Variants in ALPK3 observed in about 807,000 individuals in gnomAD.
ALPK3 encodes the protein alpha-protein kinase 3.
ALPK3 carries 102 observed loss-of-function variants against 140.0 expected under a neutral mutation model. That is an observed-to-expected ratio of 0.73 (90% CI 0.62 to 0.86). ALPK3 has a LOEUF of 0.86. ALPK3 is among the 40% of genes least tolerant of loss of function. The probability of loss-of-function intolerance (pLI) is 0.00; values close to 1 mark genes in which losing one functional copy is unlikely to be tolerated. For missense variants in ALPK3, 2,254 were observed against 2,208.2 expected (o/e 1.02, Z -0.42); for synonymous variants, 938 against 898.5 (o/e 1.04, Z -0.79).
chr15:84,834,335 C>T (rs1963577317), intron 3 of ALPK3, among the ~76,000 whole-genome samples: 1 of 152,184 alleles, frequency 6.6e-6, no homozygotes, highest in South Asian at 2.1e-4. Flanking sequence ...GATTTGAATT[C>T]TGGCTCTCTA....
At position 84,863,609 on chromosome 15, in the gene ALPK3, CG is replaced by C; in HGVS notation, c.4471del (p.Ala1491ProfsTer16). 6.2e-7 allele frequency: 1 copy of C among 1,614,040 alleles called. No homozygotes were observed. The highest frequency in any genetic ancestry group is 8.5e-7 in the Non-Finnish European group (1 of 1,179,970). On this transcript the variant is annotated frameshift_variant, in exon 11 of 14. Transcript: ENST00000258888. LOFTEE classifies it high-confidence loss of function. ...EYCKIFAAEA[R>X]AAPGFGEVPE... The stretch of plus-strand genomic sequence containing the variant: ...CTGCAAAATCTTCGCAGCAGAAGCC[CG>C]GGCCGCGCCTGGCTTTGGGGAGGTG...
At chr15:84,837,693 G>A (rs1963610891) in intron 3 of ALPK3, among the ~76,000 whole-genome samples, 1 of 152,206 alleles carries the variant, frequency 6.6e-6, no homozygotes, top group Non-Finnish European at 1.5e-5. Context: ...GGCTTCTTAT[G>A]GAATTGACAA....
Position 84,823,350 on chromosome 15 carries a change from C to T in ALPK3, c.164C>T (p.Ser55Phe), listed in dbSNP as rs761544930. The T allele has an allele frequency of 1.2e-6, 2 of 1,614,172 alleles. No individual in the cohort carries two copies. Among genetic ancestry groups the T allele is most frequent in the Admixed American group, 1.7e-5 (1 of 60,024 alleles). Residue 55 changes from serine to phenylalanine, a missense_variant, in exon 2 of 14, where the codon TCT (serine) becomes TTT (phenylalanine). Transcript: ENST00000258888. The part of the protein sequence containing the change: ...PETSLSSNRL[S>F]HPSSGRSTFC... Reference sequence around the variant, plus strand: ...CTTAGCTTATCAAGCAACCGGTTGTCTCACCCCAGCTCTGGAAGGTAAATG... The same window carrying T: ...CTTAGCTTATCAAGCAACCGGTTGTTTCACCCCAGCTCTGGAAGGTAAATG...
chr15:84,818,999 A>G (rs1198270320), intron 1 of ALPK3, among the ~76,000 whole-genome samples: 1 of 152,210 alleles, frequency 6.6e-6, no homozygotes, highest in Non-Finnish European at 1.5e-5. Flanking sequence ...TGGAACAAAC[A>G]GAAGAGGCGG....
chr15:84,836,240 C>T lies in ALPK3; in HGVS notation c.305-2740C>T, dbSNP rs1963595967. On this transcript the variant is annotated intron_variant, in intron 3 of 13. Coordinates refer to ENST00000258888, the MANE Select transcript of ALPK3 (RefSeq NM_020778.5). ...GGGGGAGAGTGGAGGGAGGTGGGGC[C>T]AGCATGGTCACAGGGCCCAGATCAT... 2.0e-5 allele frequency among the ~76,000 whole-genome samples: 3 copies of T among 152,082 alleles called. 1 individual carries two copies. The South Asian group carries it at 6.2e-4, about 32-fold the overall frequency.
intron 3 of ALPK3, among the ~76,000 whole-genome samples, chr15:84,829,287 T>C (rs1048073005): frequency 6.6e-6 from 1 of 152,250 alleles, no homozygotes; most frequent in African/African-American, 2.4e-5. Flanking sequence ...TCTGTTTCCC[T>C]GAACTTATCT....
intron 5 of ALPK3, among the ~76,000 whole-genome samples, chr15:84,846,437 C>G (rs988341236): frequency 6.6e-6 from 1 of 152,148 alleles, no homozygotes; most frequent in Non-Finnish European, 1.5e-5. Context: ...AGGGTGAATA[C>G]TCTGGAAACA....
At chr15:84,839,527 T>A (rs1294148145) in intron 4 of ALPK3, among the ~76,000 whole-genome samples, 175 bp from the exon 5 acceptor site, 1 of 152,016 alleles carries the variant, frequency 6.6e-6, no homozygotes, top group African/African-American at 2.4e-5. Context: ...CTCAGTTCCC[T>A]CAGCTGTAAT....
At position 84,868,262 on chromosome 15, in the gene ALPK3, A is replaced by G. The variant is rs1283567291; in HGVS notation, c.4924A>G (p.Ser1642Gly). ...HPQAKAKGSK[S>G]PSAGRKGSQL... Reference sequence around the variant, plus strand: ...CCAAGCCAAAGCCAAAGGCTCTAAGAGTCCATCTGCTGGCAGGAAAGGCTC... The same window carrying G: ...CCAAGCCAAAGCCAAAGGCTCTAAGGGTCCATCTGCTGGCAGGAAAGGCTC... The change falls in exon 14 of 14, where the codon AGT becomes GGT. Residue 1642 changes from serine (S) to glycine (G), a missense_variant. By Grantham distance (56) the Ser-to-Gly change is moderately conservative (BLOSUM62 0). Around this residue, in one of 3 missense-constraint regions of ALPK3, gnomAD observed 158 missense variants for 159.8 expected, o/e 0.99. Coordinates refer to ENST00000258888, the MANE Select transcript of ALPK3 (RefSeq NM_020778.5). 1.2e-6 allele frequency: 2 copies of G among 1,614,034 alleles called. No individual in the cohort carries two copies. Among genetic ancestry groups the G allele is most frequent in the East Asian group, 2.2e-5 (1 of 44,886 alleles).
In ALPK3 at chr15:84,864,580, C is replaced by G; in HGVS notation, c.4638C>G (p.Ser1546Arg). 1 of 1,614,232 alleles carries G rather than the reference C, an allele frequency of 6.2e-7. No individual in the cohort carries two copies. The highest frequency in any genetic ancestry group is 8.5e-7 in the Non-Finnish European group (1 of 1,180,048). The change falls in exon 12 of 14, where the codon AGC becomes AGG. Residue 1546 changes from serine (S) to arginine (R), a missense_variant. Physicochemically the swap from Ser to Arg is moderately radical, Grantham distance 110. Transcript: ENST00000258888. ...GCAEAPTASG[S>R]SEAMQKCQTF... The stretch of plus-strand genomic sequence containing the variant: ...CTGAGGCTCCGACAGCATCTGGCAG[C>G]TCTGAGGCCATGCAGAAATGCCAGA...
Position 84,856,688 on chromosome 15 carries a change from GCC to G in ALPK3, c.1951_1952del (p.Pro651ThrfsTer27). ...VDAGTQESKR[P>X]QSDRSAQKGM... is the part of the protein sequence containing the mutation. ...ATGCTGGGACACAAGAAAGCAAGAG[GCC>G]ACAGTCAGACAGGAGTGCACAGAAG... On this transcript the variant is annotated frameshift_variant, in exon 6 of 14. Transcript: ENST00000258888. LOFTEE classifies it high-confidence loss of function. 2 of 1,614,074 alleles carry G rather than the reference GCC, an allele frequency of 1.2e-6. No individual in the cohort carries two copies. The highest frequency in any genetic ancestry group is 8.5e-7 in the Non-Finnish European group (1 of 1,180,020).
intron 6 of ALPK3, 88 bp from the exon 7 acceptor site, chr15:84,859,155 C>G (rs566043227): frequency 3.9e-6 from 6 of 1,554,986 alleles, no homozygotes; most frequent in Non-Finnish European, 5.2e-6. Flanking sequence ...TGTTTTCTCC[C>G]AGCCTTTTCC....
At chr15:84,823,563 G>A (rs1244309788) in intron 2 of ALPK3, among the ~76,000 whole-genome samples, 195 bp downstream of exon 2, 1 of 152,114 alleles carries the variant, frequency 6.6e-6, no homozygotes, top group East Asian at 1.9e-4. Flanking sequence ...ATGCTTGCAT[G>A]GGCCATTTGA....
At chr15:84,856,303 A>G in intron 5 of ALPK3, 89 bp from the exon 6 acceptor site, 12 of 1,511,028 alleles carry the variant, frequency 7.9e-6, no homozygotes, top group Non-Finnish European at 1.1e-5. Context: ...GCAGTTGTAG[A>G]TGAGGTCCGA....
chr15:84,841,712 G>C (rs1293241605), intron 5 of ALPK3, among the ~76,000 whole-genome samples: 1 of 152,208 alleles, frequency 6.6e-6, no homozygotes, highest in African/African-American at 2.4e-5. Flanking sequence ...ACTCCCCAAA[G>C]AGGCAGATGG....
At position 84,826,229 on chromosome 15, in the gene ALPK3, C is replaced by T. The variant is rs143940879; in HGVS notation, c.183-1255C>T. ...AGATACATCGAATGTGGAATCCCTC[C>T]CCACAAAGTGGAGGGTTCTAGATCC... On this transcript the variant is annotated intron_variant, in intron 2 of 13. Coordinates refer to ENST00000258888, the MANE Select transcript of ALPK3 (RefSeq NM_020778.5). 3.9e-3 allele frequency among the ~76,000 whole-genome samples: 591 copies of T among 152,280 alleles called. 1 individual carries two copies. Among genetic ancestry groups the T allele is most frequent in the African/African-American group, 0.013 (548 of 41,540 alleles).
rs1164505192 is a variant in ALPK3, at chr15:84,863,638, T to C, written c.4497T>C (p.Pro1499=). The C allele has an allele frequency of 1.9e-6, 3 of 1,613,784 alleles. No homozygotes were observed. Among genetic ancestry groups the C allele is most frequent in the Non-Finnish European group, 1.7e-6 (2 of 1,179,818 alleles). The stretch of plus-strand genomic sequence containing the variant: ...CCGCGCCTGGCTTTGGGGAGGTGCC[T>C]GAGTAAGTACGCAGCGAGGAGGACG... ...ARAAPGFGEV[P]EIIPLYLIYR... Residue 1499 remains proline, a splice_region_variant and synonymous_variant, in exon 11 of 14, where the codon CCT becomes CCC. Coordinates refer to ENST00000258888, the MANE Select transcript of ALPK3 (RefSeq NM_020778.5).
intron 3 of ALPK3, among the ~76,000 whole-genome samples, chr15:84,837,275 GA>G (rs1963605987): frequency 6.6e-6 from 1 of 152,208 alleles, no homozygotes; most frequent in African/African-American, 2.4e-5. Flanking sequence ...TGATGAGAAA[GA>G]TGTAACAGAG....
intron 3 of ALPK3, among the ~76,000 whole-genome samples, chr15:84,838,500 A>G (rs1301412396): frequency 2.6e-5 from 4 of 152,078 alleles, no homozygotes; most frequent in Admixed American, 2.6e-4. Context: ...AAGCTGAGCT[A>G]TCATACAGTG....
Sources: allele counts gnomAD v4.1 joint callset (sites outside exome capture counted in the v4.1 genomes callset), GRCh38; gene constraint gnomAD v4.1.1; regional missense constraint gnomAD v4.1.1; transcripts MANE v1.5; gene names NCBI Gene and HGNC (gene_info 2026-07-23, HGNC 2026-07-21).